The following ITGA7 variants were observed in gnomAD, a reference collection of about 807,000 sequenced individuals.
ITGA7 encodes integrin subunit alpha 7.
A neutral mutation model predicts 131.6 loss-of-function variants in ITGA7; 84 were observed. The ratio of observed to expected loss-of-function variants is 0.64; its 90% CI spans 0.54 to 0.77. The LOEUF (loss-of-function observed/expected upper bound fraction) is 0.77, where lower values mean the gene tolerates loss of function less well. Ranked by LOEUF, ITGA7 falls within the 30% of genes least tolerant of loss-of-function variation. ITGA7 has a pLI of 0.00. For missense variants in ITGA7, 1,399 were observed against 1,482.9 expected (o/e 0.94, Z 0.93); for synonymous variants, 548 against 600.7 (o/e 0.91, Z 1.28).
intron 21 of ITGA7, among the ~76,000 whole-genome samples, chr12:55,690,815 C>T (rs1313622239): frequency 6.6e-6 from 1 of 152,008 alleles, no homozygotes; most frequent in African/African-American, 2.4e-5. Context: ...AGTTCATGTC[C>T]TTTGTAGGGA....
At chr12:55,697,598 AAC>A in intron 9 of ITGA7, 52 bp from the exon 10 acceptor site, 1 of 1,610,568 alleles carries the variant, frequency 6.2e-7, no homozygotes, top group Non-Finnish European at 8.5e-7. Context: ...GAGGCTGGGA[AAC>A]ACTCTTCAGC....
At chr12:55,708,373 CTCTT>C (rs1417334351), upstream of ITGA7, among the ~76,000 whole-genome samples, 1 of 152,148 alleles carries the variant, frequency 6.6e-6, no homozygotes, top group Non-Finnish European at 1.5e-5. Flanking sequence ...ACATAGAGCA[CTCTT>C]TCTGCTGTTG....
rs1873583401 is a variant in ITGA7, at chr12:55,699,927, C to T, written c.733G>A (p.Asp245Asn). Residue 245 changes from aspartate to asparagine, a missense_variant, in exon 5 of 25, where the codon GAC becomes AAC. Coordinates refer to ENST00000257879, the MANE Select transcript of ITGA7 (RefSeq NM_002206.3). ...DPDQLVYKTL[D>N]PADRLPGPAG... ...GGTCCTGGGAGCCGGTCAGCAGGGT[C>T]CAAAGTTTTATACACCAGCTGGTCG... The T allele has an allele frequency of 6.2e-7, 1 of 1,613,844 alleles. No homozygotes were observed. The highest frequency in any genetic ancestry group is 1.3e-5 in the African/African-American group (1 of 74,876).
In ITGA7 at chr12:55,698,473, T is replaced by G. The variant is rs769309821; in HGVS notation, c.1102A>C (p.Ile368Leu). The change falls in exon 7 of 25, where the codon ATC becomes CTC. Residue 368 changes from isoleucine to leucine, a missense_variant. By Grantham distance (5) the Ile-to-Leu change is conservative (BLOSUM62 2). Transcript: ENST00000257879. ...YLNQGGHWAG[I>L]SPLRLCGSPD... ...GAGCCGCAGAGCCGGAGAGGGGAGA[T>G]CCCAGCCCAGTGACCCCCCTGGTTC... is the stretch of plus-strand genomic sequence containing the variant. 4.3e-6 allele frequency: 7 copies of G among 1,613,578 alleles called. No homozygotes were observed. The highest frequency in any genetic ancestry group is 2.5e-6 in the Non-Finnish European group (3 of 1,179,748).
chr12:55,695,050 C>A, intron 14 of ITGA7, 80 bp from the exon 15 acceptor site: 1 of 1,379,062 alleles, frequency 7.3e-7, no homozygotes, highest in Non-Finnish European at 1.0e-6. Flanking sequence ...TCCCCCAGTA[C>A]CTGCCTTCAC....
intron 19 of ITGA7, 75 bp downstream of exon 19, chr12:55,693,945 TG>T: frequency 1.7e-6 from 2 of 1,203,864 alleles, no homozygotes; most frequent in Non-Finnish European, 2.4e-6. Flanking sequence ...GCCCCAGCCC[TG>T]GGGACACAGC....
At position 55,685,073 on chromosome 12, in the gene ITGA7, C is replaced by A; in HGVS notation, c.3399G>T (p.Gly1133=). The change falls in exon 25 of 25, where the codon GGG becomes GGT. Residue 1133 remains glycine (G), a synonymous_variant. Coordinates refer to ENST00000257879, the MANE Select transcript of ITGA7 (RefSeq NM_002206.3). ...ACATGGGAACCTAGGCGGTGCCTGG[C>A]CCTGGATGCCCATCGGGGCCCAGCT... is the stretch of plus-strand genomic sequence containing the variant. ...HPELGPDGHP[G]PGTA 1 of 1,592,638 alleles carries A rather than the reference C, an allele frequency of 6.3e-7. No homozygotes were observed. Among genetic ancestry groups the A allele is most frequent in the Non-Finnish European group, 8.5e-7 (1 of 1,172,056 alleles).
chr12:55,711,289 C>G (rs1876088346), upstream of ITGA7, among the ~76,000 whole-genome samples: 1 of 152,014 alleles, frequency 6.6e-6, no homozygotes, highest in South Asian at 2.1e-4. Flanking sequence ...ACCAGCCTGG[C>G]CAATATGACA....
upstream of ITGA7, chr12:55,716,001 A>AC: frequency 6.7e-7 from 1 of 1,495,474 alleles, no homozygotes; most frequent in Non-Finnish European, 8.9e-7. Flanking sequence ...TCTTCACCCA[A>AC]GGTCTCAAGA....
In ITGA7 at chr12:55,694,883, G is replaced by A. The variant is rs751647602; in HGVS notation, c.2091C>T (p.Asp697=). The part of the protein sequence containing the change: ...LELMVTNLPS[D]PAQPQADGDD... ...CCCCATCAGCCTGGGGCTGGGCTGG[G>A]TCCGATGGCAGGTTGGTGACCATCA... Residue 697 remains aspartate, a synonymous_variant, in exon 15 of 25, where the codon GAC becomes GAT. Coordinates refer to ENST00000257879, the MANE Select transcript of ITGA7 (RefSeq NM_002206.3). The surrounding 1 kb of genome is among the most constrained non-coding windows in gnomAD (Gnocchi z 5.3). The A allele has an allele frequency of 6.2e-7, 1 of 1,614,106 alleles. No homozygotes were observed. The highest frequency in any genetic ancestry group is 8.5e-7 in the Non-Finnish European group (1 of 1,180,004).
In ITGA7 at chr12:55,694,896, T is replaced by C; in HGVS notation, c.2078A>G (p.Asn693Ser). The C allele has an allele frequency of 1.2e-6, 2 of 1,613,950 alleles. No individual in the cohort carries two copies. Among genetic ancestry groups the C allele is most frequent in the South Asian group, 1.1e-5 (1 of 91,080 alleles). ...PVIGLELMVT[N>S]LPSDPAQPQA... Reference sequence around the variant, plus strand: ...GGGCTGGGCTGGGTCCGATGGCAGGTTGGTGACCATCAGCTCCAGGCCAAT... The same window carrying C: ...GGGCTGGGCTGGGTCCGATGGCAGGCTGGTGACCATCAGCTCCAGGCCAAT... The change falls in exon 15 of 25, where the codon AAC (asparagine) becomes AGC (serine). Residue 693 changes from asparagine to serine, a missense_variant. Physicochemically the swap from Asn to Ser is conservative, Grantham distance 46 (BLOSUM62 1). Coordinates refer to ENST00000257879, the MANE Select transcript of ITGA7 (RefSeq NM_002206.3). This position sits in a 1 kb window ranked among gnomAD's most constrained non-coding sequence, Gnocchi z 5.3.
At chr12:55,699,310 G>C (rs2136041457) in intron 5 of ITGA7, among the ~76,000 whole-genome samples, 1 of 152,294 alleles carries the variant, frequency 6.6e-6, no homozygotes, top group Middle Eastern at 3.4e-3. Flanking sequence ...AGAAGAGCTA[G>C]AGGTCCCTCT....
Position 55,697,740 on chromosome 12 carries a change from G to A in ITGA7, c.1364C>T (p.Pro455Leu). Residue 455 changes from proline to leucine, a missense_variant, in exon 9 of 25, where the codon CCT (proline) becomes CTT (leucine). Transcript: ENST00000257879. ...AGCCAGGGAGCCCACCAGCAGGTCA[G>A]GGTATTGGTTCCCATCCATATCCAA... Reference protein sequence around the residue: ...GSLDMDGNQYPDLLVGSLADT... With the variant: ...GSLDMDGNQYLDLLVGSLADT... The A allele has an allele frequency of 6.2e-7, 1 of 1,614,144 alleles. No homozygotes were observed. Among genetic ancestry groups the A allele is most frequent in the Non-Finnish European group, 8.5e-7 (1 of 1,180,006 alleles).
intron 21 of ITGA7, 32 bp downstream of exon 21, chr12:55,692,812 C>G (rs1372154837): frequency 2.0e-5 from 31 of 1,584,644 alleles, no homozygotes; most frequent in Non-Finnish European, 2.5e-5. Flanking sequence ...CACCCCGGAG[C>G]TCTGGCTGCA....
At chr12:55,687,487 CTTTT>C (rs34640494) in intron 24 of ITGA7, among the ~76,000 whole-genome samples, 3 of 59,606 alleles carry the variant, frequency 5.0e-5, no homozygotes, top group Non-Finnish European at 8.4e-5. Flanking sequence ...CCATGCCCGG[CTTTT>C]TTTTTTTTTT....
At chr12:55,702,403 C>T (rs1422242456) in intron 3 of ITGA7, among the ~76,000 whole-genome samples, 7 of 152,194 alleles carry the variant, frequency 4.6e-5, no homozygotes, top group East Asian at 1.9e-4. Flanking sequence ...CTCCTTACCT[C>T]GTGATCCACC....
chr12:55,698,097 C>T, intron 7 of ITGA7, 71 bp from the exon 8 acceptor site: 1 of 1,350,136 alleles, frequency 7.4e-7, no homozygotes, highest in Non-Finnish European at 1.1e-6. Flanking sequence ...CCTCAACTCC[C>T]CCCAGTCACT....
chr12:55,691,824 G>A (rs1481081437), intron 21 of ITGA7, among the ~76,000 whole-genome samples: 1 of 152,154 alleles, frequency 6.6e-6, no homozygotes, highest in African/African-American at 2.4e-5. Flanking sequence ...AGCAGGGACT[G>A]CAGCAGCTGC....
rs750270876 is a variant in ITGA7 at position 55,688,082 on chromosome 12, T to TCCC, written c.3071_3072insGGG (p.Val1024_Tyr1025insGly). On this transcript the variant is annotated inframe_insertion, in exon 24 of 25. Transcript: ENST00000257879. ...CCACCACAGCCATGGGGTCCAAGTA[T>TCCC]ACCATCACTGGGATCTGGGGAGCAA... is the stretch of plus-strand genomic sequence containing the variant. The TCCC allele has an allele frequency of 6.2e-7, 1 of 1,613,988 alleles. No individual in the cohort carries two copies.
Sources: gnomAD v4.1 joint callset for allele counts (sites outside exome capture counted in the v4.1 genomes callset) on GRCh38, gnomAD v4.1.1 for gene constraint, Gnocchi (gnomAD v3.1) non-coding constraint, MANE v1.5 for transcripts, NCBI Gene and HGNC (gene_info 2026-07-23, HGNC 2026-07-21) for gene names.